Variants in RALGPS1 observed in about 807,000 individuals in gnomAD.
RALGPS1 encodes ras-specific guanine nucleotide-releasing factor RalGPS1.
Under a neutral mutation model 78.8 loss-of-function variants are expected in RALGPS1, and 19 were observed. The ratio of observed to expected loss-of-function variants is 0.24; its 90% CI spans 0.17 to 0.35. The LOEUF is 0.35. RALGPS1 is among the 10% of genes least tolerant of loss of function. RALGPS1 has a pLI of 1.00. For missense variants in RALGPS1, 454 were observed against 688.3 expected (o/e 0.66, Z 3.81); for synonymous variants, 228 against 256.3 (o/e 0.89, Z 1.06).
chr9:127,023,921 C>T (rs1464454848), intron 4 of RALGPS1, among the ~76,000 whole-genome samples: 2 of 151,016 alleles, frequency 1.3e-5, no homozygotes, highest in Non-Finnish European at 2.9e-5. Context: ...CCTGTAATCC[C>T]AGCTACTCGG....
Position 127,060,509 on chromosome 9 carries a change from C to CTGT in RALGPS1, c.483+7602_483+7604dup, listed in dbSNP as rs35010607. Among the ~76,000 whole-genome samples the CTGT allele has an allele frequency of 9.8e-3, 1,471 of 150,868 alleles. 33 individuals are homozygous for CTGT. Among genetic ancestry groups the CTGT allele is most frequent in the East Asian group, 0.086 (445 of 5,152 alleles). ...ATATTGAGGGGTTGGTAAGTATTAC[C>CTGT]TGTTGTTGTTGTTGTTGTTGTTGTT... On this transcript the variant is annotated intron_variant, in intron 7 of 18. Transcript: ENST00000259351.
chr9:127,008,525 G>A (rs1348738279), intron 4 of RALGPS1, among the ~76,000 whole-genome samples: 1 of 152,132 alleles, frequency 6.6e-6, no homozygotes, highest in Non-Finnish European at 1.5e-5. Flanking sequence ...AAAGTGGGAT[G>A]GGGTGAAGCT....
At chr9:127,050,798 C>T (rs897379488) in intron 6 of RALGPS1, among the ~76,000 whole-genome samples, 5 of 152,224 alleles carry the variant, frequency 3.3e-5, no homozygotes, top group Admixed American at 1.3e-4. Context: ...GCTTGCCTGA[C>T]TCTCAGCCGC....
At chr9:127,141,061 G>C (rs1157047534) in intron 8 of RALGPS1, among the ~76,000 whole-genome samples, 1 of 152,210 alleles carries the variant, frequency 6.6e-6, no homozygotes, top group African/African-American at 2.4e-5. Context: ...GGGTGACGTG[G>C]AGAGGGCTGT....
At chr9:126,980,454 A>G (rs759326663) in intron 4 of RALGPS1, among the ~76,000 whole-genome samples, 31 of 152,192 alleles carry the variant, frequency 2.0e-4, no homozygotes, top group Non-Finnish European at 3.7e-4. Flanking sequence ...GAGATTCTAA[A>G]TGCTTTGGTT....
intron 8 of RALGPS1, among the ~76,000 whole-genome samples, chr9:127,142,711 A>G (rs1054854095): frequency 6.6e-6 from 1 of 152,238 alleles, no homozygotes; most frequent in Non-Finnish European, 1.5e-5. Flanking sequence ...AGGGTTGTGT[A>G]GTTAATTGCC....
chr9:126,974,704 A>C (rs1414616592), intron 3 of RALGPS1, among the ~76,000 whole-genome samples: 2 of 152,154 alleles, frequency 1.3e-5, no homozygotes, highest in Non-Finnish European at 1.5e-5. Context: ...CAAAATAAGG[A>C]TAGGCCATTA....
chr9:126,989,795 C>A, intron 4 of RALGPS1: 1 of 1,487,556 alleles, frequency 6.7e-7, no homozygotes. Context: ...GACACTTACT[C>A]TAGAGGGATT....
intron 4 of RALGPS1, among the ~76,000 whole-genome samples, chr9:127,013,851 C>T (rs761888489): frequency 5.3e-5 from 8 of 152,216 alleles, no homozygotes; most frequent in Admixed American, 2.6e-4. Context: ...TACCTCCAGG[C>T]CTGTGCATTT....
At chr9:126,966,102 T>C in intron 3 of RALGPS1, 151 bp downstream of exon 3, 1 of 626,134 alleles carries the variant, frequency 1.6e-6, no homozygotes, top group Middle Eastern at 3.7e-4. Flanking sequence ...CTTTGTGAAA[T>C]ACAATGCAGC....
intron 1 of RALGPS1, among the ~76,000 whole-genome samples, chr9:126,922,929 T>A (rs2034910573): frequency 6.6e-6 from 1 of 152,172 alleles, no homozygotes; most frequent in African/African-American, 2.4e-5. Context: ...GGTGTAAGAA[T>A]ATGCTTTCTA....
intron 8 of RALGPS1, among the ~76,000 whole-genome samples, chr9:127,130,001 G>C (rs887118022): frequency 6.6e-6 from 1 of 152,196 alleles, no homozygotes; most frequent in African/African-American, 2.4e-5. Context: ...TCTGGATTTG[G>C]GTTAGGGCTG....
At chr9:127,026,953 G>C (rs2046011010) in intron 4 of RALGPS1, among the ~76,000 whole-genome samples, 1 of 152,208 alleles carries the variant, frequency 6.6e-6, no homozygotes, top group African/African-American at 2.4e-5. Context: ...CTAGCAGGCA[G>C]CGGGTGGGGG....
At chr9:127,051,885 C>T (rs1378900642) in intron 6 of RALGPS1, among the ~76,000 whole-genome samples, 2 of 152,120 alleles carry the variant, frequency 1.3e-5, no homozygotes, top group South Asian at 4.1e-4. Flanking sequence ...TGTGGGGACA[C>T]AGTCAGGAAA....
chr9:126,952,714 C>T (rs1471736147), intron 1 of RALGPS1, among the ~76,000 whole-genome samples: 3 of 133,226 alleles, frequency 2.3e-5, no homozygotes, highest in Non-Finnish European at 5.1e-5. Context: ...CATGTGCATG[C>T]GTGCATGTGC....
At chr9:127,061,133 A>G (rs2049180380) in intron 7 of RALGPS1, among the ~76,000 whole-genome samples, 1 of 152,200 alleles carries the variant, frequency 6.6e-6, no homozygotes, top group African/African-American at 2.4e-5. Flanking sequence ...TGCTGAGGAC[A>G]TAATAGACGC....
chr9:127,066,032 G>T (rs1231059200), intron 7 of RALGPS1, among the ~76,000 whole-genome samples: 2 of 152,228 alleles, frequency 1.3e-5, no homozygotes, highest in Non-Finnish European at 2.9e-5. Context: ...CTGAATGTCT[G>T]TGTGAGTGTG....
intron 14 of RALGPS1, among the ~76,000 whole-genome samples, chr9:127,202,769 C>T (rs1004216701): frequency 1.3e-5 from 2 of 152,176 alleles, no homozygotes; most frequent in Non-Finnish European, 1.5e-5. Context: ...CAGGGGTGGG[C>T]CTGCTCTTCT....
chr9:127,172,223 C>T (rs2059602465), intron 10 of RALGPS1, among the ~76,000 whole-genome samples: 1 of 152,238 alleles, frequency 6.6e-6, no homozygotes, highest in South Asian at 2.1e-4. Flanking sequence ...CTAGACCCGG[C>T]CTTGCTGGCT....
Sources: allele counts gnomAD v4.1 joint callset (sites outside exome capture counted in the v4.1 genomes callset), GRCh38; gene constraint gnomAD v4.1.1; transcripts MANE v1.5; gene names NCBI Gene and HGNC (gene_info 2026-07-23, HGNC 2026-07-21).